TTI2: variants seen among roughly 807,000 people sequenced by gnomAD.
The protein encoded by TTI2 is TELO2 interacting protein 2.
In TTI2, 26 loss-of-function variants were observed where a neutral mutation model predicts 44.9. The ratio of observed to expected loss-of-function variants is 0.58; its 90% CI spans 0.42 to 0.80. The LOEUF (loss-of-function observed/expected upper bound fraction) is 0.80, where lower values mean the gene tolerates loss of function less well. TTI2 is among the 30% of genes least tolerant of loss of function. TTI2 has a pLI of 0.00. For missense variants in TTI2, 582 were observed against 611.6 expected (o/e 0.95, Z 0.51); for synonymous variants, 254 against 250.9 (o/e 1.01, Z -0.12).
At chr8:33,506,266 A>G (rs531426183) in intron 4 of TTI2, among the ~76,000 whole-genome samples, 19 of 152,322 alleles carry the variant, frequency 1.2e-4, no homozygotes, top group African/African-American at 4.1e-4. Context: ...GAAATAATAA[A>G]TCACACTCCG....
intron 4 of TTI2, among the ~76,000 whole-genome samples, chr8:33,505,707 G>A (rs1383587751): frequency 1.3e-5 from 2 of 152,028 alleles, no homozygotes; most frequent in Non-Finnish European, 2.9e-5. Flanking sequence ...AGGCTGGAGT[G>A]CAGTGGCGCG....
At chr8:33,503,127 TCAAAAAAA>T (rs1264547142) in intron 6 of TTI2, among the ~76,000 whole-genome samples, 6 of 56,044 alleles carry the variant, frequency 1.1e-4, no homozygotes, top group African/African-American at 5.1e-4. Context: ...AGACTCCATT[TCAAAAAAA>T]AAAAAAAAAA....
intron 7 of TTI2, 93 bp downstream of exon 7, chr8:33,500,235 T>C: frequency 6.8e-7 from 1 of 1,460,198 alleles, no homozygotes; most frequent in Non-Finnish European, 9.5e-7. Flanking sequence ...TTTCCAGACT[T>C]GGTCAGGCAC....
rs1014747703 is a variant in TTI2 at position 33,512,332 on chromosome 8, G to A, written c.282C>T (p.Ala94=). 3 of 1,614,026 alleles carry A rather than the reference G, an allele frequency of 1.9e-6. No homozygotes were observed. In the Admixed American group the frequency reaches 5.0e-5, roughly 27 times the overall value. ...CTCCACCTTCCTCCTCCTTGGAGGG[G>A]GCTGCATACTTCTCCAGGGCTTTTG... ...QVAKALEKYA[A]PSKEEEGGGD... is the part of the protein sequence containing the mutation. The change falls in exon 2 of 8, where the codon GCC becomes GCT. Residue 94 remains alanine (A), a synonymous_variant. Transcript: ENST00000431156.
At position 33,507,249 on chromosome 8, in the gene TTI2, G is replaced by T. The variant is rs377251870; in HGVS notation, c.907C>A (p.Pro303Thr). 3 of 1,614,008 alleles carry T rather than the reference G, an allele frequency of 1.9e-6. No homozygotes were observed. The highest frequency in any genetic ancestry group is 2.5e-6 in the Non-Finnish European group (3 of 1,179,984). Reference protein sequence around the residue: ...YHAISNHLYTPEHHLIQAVLL... With the variant: ...YHAISNHLYTTEHHLIQAVLL... ...ATTACCTGAATGAGGTGGTGCTCTG[G>T]TGTGTACAGGTGGTTGGAAATGGCA... Residue 303 changes from proline to threonine, a missense_variant, in exon 4 of 8, where the codon CCA (proline) becomes ACA (threonine). Physicochemically the swap from Pro to Thr is conservative, Grantham distance 38. Transcript: ENST00000431156.
In TTI2 at chr8:33,499,556, A is replaced by G. The variant is rs75601808; in HGVS notation, c.1423-279T>C. 2,705 of 359,478 alleles carry G rather than the reference A, an allele frequency of 7.5e-3. 85 individuals are homozygous for G. The highest frequency in any genetic ancestry group is 0.052 in the African/African-American group (2,473 of 47,694). 22.3% of individuals were successfully genotyped at this position (359,478 alleles called of 1,614,324 possible). On this transcript the variant is annotated intron_variant, in intron 7 of 7. Transcript: ENST00000431156. Reference sequence around the variant, plus strand: ...GCAGAATTCCAGCCAAGGCAAATTCAGTTGGATCTAGGGCTTGAAAACTGC... The same window carrying G: ...GCAGAATTCCAGCCAAGGCAAATTCGGTTGGATCTAGGGCTTGAAAACTGC...
intron 7 of TTI2, chr8:33,499,534 G>A (rs1808986402): frequency 2.6e-6 from 1 of 386,154 alleles, no homozygotes; most frequent in Admixed American, 4.1e-5. Flanking sequence ...TGAAACAGCA[G>A]AATTCCAGCC....
rs1809176546 is a variant in TTI2 at position 33,503,499 on chromosome 8, C to A, written c.1189G>T (p.Gly397Ter). Residue 397 changes from glycine to a stop codon, truncating the protein, a stop_gained, in exon 6 of 8, where the codon GGA (glycine) becomes TGA (stop). Transcript: ENST00000431156. LOFTEE classifies it high-confidence loss of function. The part of the protein sequence containing the change: ...VIIGYLEVYD[G>*]PEEEARLKIL... ...TTCAGTCTAGCTTCCTCCTCAGGTC[C>A]ATCATAAACCTCCAGATAACCAATG... 1 of 1,613,958 alleles carries A rather than the reference C, an allele frequency of 6.2e-7. No homozygotes were observed. The highest frequency in any genetic ancestry group is 1.3e-5 in the African/African-American group (1 of 74,880).
intron 5 of TTI2, 72 bp from the exon 6 acceptor site, chr8:33,503,644 G>A: frequency 6.2e-7 from 1 of 1,606,818 alleles, no homozygotes; most frequent in East Asian, 2.2e-5. Flanking sequence ...TTGGGAGGCT[G>A]AGGTGGGAGG....
chr8:33,507,988 CAAA>C (rs35037238), intron 3 of TTI2, among the ~76,000 whole-genome samples: 27 of 93,828 alleles, frequency 2.9e-4, no homozygotes, highest in African/African-American at 4.5e-4. Flanking sequence ...GACCCTGTCT[CAAA>C]AAAAAAAAAA....
chr8:33,511,346 T>C (rs957680107), intron 2 of TTI2, among the ~76,000 whole-genome samples: 1 of 151,856 alleles, frequency 6.6e-6, no homozygotes, highest in Admixed American at 6.6e-5. Context: ...CCCGGCCACA[T>C]TTTGTAATTA....
At position 33,511,845 on chromosome 8, in the gene TTI2, C is replaced by T. The variant is rs1809538483; in HGVS notation, c.647+122G>A. On this transcript the variant is annotated intron_variant, in intron 2 of 7. Coordinates refer to ENST00000431156, the MANE Select transcript of TTI2 (RefSeq NM_001102401.4). The stretch of plus-strand genomic sequence containing the variant: ...CGGAGGTTGCAGTGAGCTGAGATCG[C>T]AACATTGCACTCCACCCTGGGCAAC... The T allele has an allele frequency of 6.6e-5, 77 of 1,159,686 alleles. 1 individual carries two copies. The South Asian group carries it at 1.0e-3, about 16-fold the overall frequency. 71.8% of individuals were successfully genotyped at this position (1,159,686 alleles called of 1,614,324 possible).
At chr8:33,500,242 G>T in intron 7 of TTI2, 86 bp downstream of exon 7, 1 of 1,512,830 alleles carries the variant, frequency 6.6e-7, no homozygotes, top group Non-Finnish European at 9.1e-7. Context: ...ACTTGGTCAG[G>T]CACATACATA....
At position 33,503,844 on chromosome 8, in the gene TTI2, T is replaced by G. The variant is rs1374514401; in HGVS notation, c.1019A>C (p.Asp340Ala). 1 of 1,614,046 alleles carries G rather than the reference T, an allele frequency of 6.2e-7. No individual in the cohort carries two copies. Among genetic ancestry groups the G allele is most frequent in the East Asian group, 2.2e-5 (1 of 44,898 alleles). Residue 340 changes from aspartate to alanine, a missense_variant, in exon 5 of 8, where the codon GAT (aspartate) becomes GCT (alanine). Asp to Ala is a moderately radical substitution (Grantham distance 126). Coordinates refer to ENST00000431156, the MANE Select transcript of TTI2 (RefSeq NM_001102401.4). ...GDGARPTTHC[D>A]EVLRLILTHM... is the part of the protein sequence containing the mutation. ...GGTCAGGATCAGCCGCAGGACCTCA[T>G]CACAATGGGTGGTGGGTCGAGCTCC...
At position 33,503,877 on chromosome 8, in the gene TTI2, T is replaced by C. The variant is rs1809198357; in HGVS notation, c.986A>G (p.Lys329Arg). The C allele has an allele frequency of 6.2e-7, 1 of 1,613,986 alleles. No homozygotes were observed. Among genetic ancestry groups the C allele is most frequent in the Non-Finnish European group, 8.5e-7 (1 of 1,180,016 alleles). Residue 329 changes from lysine (K) to arginine (R), a missense_variant, in exon 5 of 8, where the codon AAA (lysine) becomes AGA (arginine). Coordinates refer to ENST00000431156, the MANE Select transcript of TTI2 (RefSeq NM_001102401.4). The part of the protein sequence containing the change: ...FPILEKTLHW[K>R]GDGARPTTHC... ...GGTGGTGGGTCGAGCTCCATCTCCT[T>C]TCCAGTGCAGGGTTTTCTCCAGGAT... is the stretch of plus-strand genomic sequence containing the variant.
chr8:33,505,467 G>A (rs1809259915), intron 4 of TTI2, among the ~76,000 whole-genome samples: 1 of 148,732 alleles, frequency 6.7e-6, no homozygotes, highest in South Asian at 2.1e-4. Context: ...GTTACCTATT[G>A]CTTGAAAGCC....
chr8:33,512,877 T>TAAAAAAAAAAAAAAAAAA (rs61291473), intron 1 of TTI2, 165 bp from the exon 2 acceptor site: 1 of 91,038 alleles, frequency 1.1e-5, no homozygotes. Flanking sequence ...TCCGTCTCAG[T>TAAAAAAAAAAAAAAAAAA]AAAAAAAAAA....
At chr8:33,504,288 CA>C (rs1809216727) in intron 4 of TTI2, among the ~76,000 whole-genome samples, 2 of 55,780 alleles carry the variant, frequency 3.6e-5, no homozygotes, top group Admixed American at 1.6e-4. Context: ...GATATTTACA[CA>C]TTTTTTTTTT....
chr8:33,503,622 A>G, intron 5 of TTI2, 50 bp from the exon 6 acceptor site: 4 of 1,611,078 alleles, frequency 2.5e-6, no homozygotes, highest in Non-Finnish European at 3.4e-6. Flanking sequence ...TCATGCCTGT[A>G]ATCCCAGTAC....
Sources: gnomAD v4.1 joint callset for allele counts (sites outside exome capture counted in the v4.1 genomes callset) on GRCh38, gnomAD v4.1.1 for gene constraint, MANE v1.5 for transcripts, NCBI Gene and HGNC (gene_info 2026-07-23, HGNC 2026-07-21) for gene names.